OVOL1: variants seen among roughly 807,000 people sequenced by gnomAD.
OVOL1 encodes the protein ovo like transcriptional repressor 1, also known as putative transcription factor Ovo-like 1.
Under a neutral mutation model 21.5 loss-of-function variants are expected in OVOL1, and 10 were observed. The observed-to-expected ratio is 0.46, with a 90% CI of 0.29 to 0.79. The LOEUF (loss-of-function observed/expected upper bound fraction) is 0.79, where lower values mean the gene tolerates loss of function less well. Among genes scored for constraint, OVOL1 ranks in the 30% least tolerant of loss-of-function variants. The probability of loss-of-function intolerance (pLI) is 0.10; values close to 1 mark genes in which losing one functional copy is unlikely to be tolerated. For missense variants in OVOL1, 279 were observed against 362.3 expected (o/e 0.77, Z 1.87); for synonymous variants, 129 against 150.3 (o/e 0.86, Z 1.03).
chr11:65,795,348 C>A lies in OVOL1; in HGVS notation c.*7C>A. On this transcript the variant is annotated 3_prime_UTR_variant, in exon 4 of 4. Coordinates refer to ENST00000335987, the MANE Select transcript of OVOL1 (RefSeq NM_004561.4). The surrounding 1 kb of genome is among the most constrained non-coding windows in gnomAD (Gnocchi z 5.7). ...GGGCAGCCCCCACCTGTGAGTGGCT[C>A]GAGCCCTGGGGGTGCTCCTGGAAGC... 1 of 1,577,392 alleles carries A rather than the reference C, an allele frequency of 6.3e-7. No homozygotes were observed. Among genetic ancestry groups the A allele is most frequent in the Non-Finnish European group, 8.6e-7 (1 of 1,164,846 alleles).
rs933307444 is a variant in OVOL1 at position 65,788,767 on chromosome 11, G to T, written c.100+1294G>T. 38 of 985,448 alleles carry T rather than the reference G, an allele frequency of 3.9e-5. No homozygotes were observed. In the Middle Eastern group the frequency reaches 2.6e-3, roughly 68 times the overall value. The allele number at this position is 985,448 out of a possible 1,614,324, so 61.0% of individuals were successfully genotyped here. A position where few individuals can be genotyped will look rare whatever the true frequency, so the allele number is the denominator to read the frequency against. Reference sequence around the variant, plus strand: ...ACCGTTCCTTAAAACAAGGGAATGTGCCAGAAGACCCTGGTAACCCCAGTG... The same window carrying T: ...ACCGTTCCTTAAAACAAGGGAATGTTCCAGAAGACCCTGGTAACCCCAGTG... On this transcript the variant is annotated intron_variant, in intron 1 of 3. Coordinates refer to ENST00000335987, the MANE Select transcript of OVOL1 (RefSeq NM_004561.4).
rs890462316 is a variant in OVOL1, at chr11:65,795,773, G to A, written c.*432G>A. 4.8e-6 allele frequency: 1 copy of A among 206,448 alleles called. No homozygotes were observed. 12.8% of individuals were successfully genotyped at this position (206,448 alleles called of 1,614,324 possible). A position where few individuals can be genotyped will look rare whatever the true frequency, so the allele number is the denominator to read the frequency against. On this transcript the variant is annotated 3_prime_UTR_variant, in exon 4 of 4. Coordinates refer to ENST00000335987, the MANE Select transcript of OVOL1 (RefSeq NM_004561.4). This position sits in a 1 kb window ranked among gnomAD's most constrained non-coding sequence, Gnocchi z 5.7. The stretch of plus-strand genomic sequence containing the variant: ...AGTGGACATCAGAGTCAAAAGCACT[G>A]GCAAAGGGTACCCCTGCAAACAACT...
intron 1 of OVOL1, among the ~76,000 whole-genome samples, chr11:65,787,851 C>T (rs2135697542): frequency 1.3e-5 from 2 of 151,952 alleles, no homozygotes; most frequent in South Asian, 4.1e-4. Flanking sequence ...TCGCATGAGG[C>T]GGGAGAAGGC....
In OVOL1 at chr11:65,787,165, C is replaced by G. The variant is rs1182487554; in HGVS notation, c.-209C>G. On this transcript the variant is annotated 5_prime_UTR_variant, in exon 1 of 4. Transcript: ENST00000335987. Reference sequence around the variant, plus strand: ...CCCGGTGCACCTGGCCGCAAGGGACCTCGTTCTCAGGGAAGACGGCGACAT... The same window carrying G: ...CCCGGTGCACCTGGCCGCAAGGGACGTCGTTCTCAGGGAAGACGGCGACAT... 2.2e-6 allele frequency: 1 copy of G among 459,184 alleles called. No individual in the cohort carries two copies. The highest frequency in any genetic ancestry group is 4.0e-6 in the Non-Finnish European group (1 of 247,034). 28.4% of individuals were successfully genotyped at this position (459,184 alleles called of 1,614,324 possible). A position where few individuals can be genotyped will look rare whatever the true frequency, so the allele number is the denominator to read the frequency against.
chr11:65,789,988 C>T (rs142092286), intron 1 of OVOL1: 1 of 152,116 alleles, frequency 6.6e-6, no homozygotes, highest in Admixed American at 6.6e-5. Flanking sequence ...TTGCAAGCAC[C>T]CTGGAGATTT....
At chr11:65,789,609 GT>G (rs1857969470) in intron 1 of OVOL1, 1 of 957,274 alleles carries the variant, frequency 1.0e-6, no homozygotes, top group Non-Finnish European at 1.2e-6. Flanking sequence ...GTGCTGGCCT[GT>G]CCCCTGGCTG....
intron 1 of OVOL1, chr11:65,790,777 C>G (rs755505921): frequency 2.6e-5 from 4 of 152,382 alleles, no homozygotes; most frequent in Non-Finnish European, 4.4e-5. Flanking sequence ...CCCTGGGATC[C>G]TGTCACCCAG....
chr11:65,793,475 G>A lies in OVOL1; in HGVS notation c.101-556G>A, dbSNP rs1175893157. Among the ~76,000 whole-genome samples the A allele has an allele frequency of 1.1e-4, 16 of 152,356 alleles. No individual in the cohort carries two copies. The East Asian group carries it at 3.1e-3, about 29-fold the overall frequency. On this transcript the variant is annotated intron_variant, in intron 1 of 3. Coordinates refer to ENST00000335987, the MANE Select transcript of OVOL1 (RefSeq NM_004561.4). Reference sequence around the variant, plus strand: ...TTCCCTGCAGAGCTGGGACCAGCTGGGAGTGGAGAGCCTGGAGCCCTGGGG... The same window carrying A: ...TTCCCTGCAGAGCTGGGACCAGCTGAGAGTGGAGAGCCTGGAGCCCTGGGG...
rs1353484377 is a variant in OVOL1 at position 65,795,113 on chromosome 11, C to T, written c.576C>T (p.His192=). The part of the protein sequence containing the change: ...AFTQRCSLES[H]LKKIHGVQQK... ...CGCAGCGCTGCTCTCTGGAGTCTCA[C>T]CTCAAGAAGATCCATGGTGTGCAGC... Residue 192 remains histidine (H), a synonymous_variant, in exon 4 of 4, where the codon CAC becomes CAT. Transcript: ENST00000335987. The surrounding 1 kb of genome is among the most constrained non-coding windows in gnomAD (Gnocchi z 5.7). The T allele has an allele frequency of 6.2e-7, 1 of 1,613,786 alleles. No individual in the cohort carries two copies. The highest frequency in any genetic ancestry group is 8.5e-7 in the Non-Finnish European group (1 of 1,180,004).
In OVOL1 at chr11:65,795,735, G is replaced by A. The variant is rs933948164; in HGVS notation, c.*394G>A. On this transcript the variant is annotated 3_prime_UTR_variant, in exon 4 of 4. Transcript: ENST00000335987. This position sits in a 1 kb window ranked among gnomAD's most constrained non-coding sequence, Gnocchi z 5.7. Reference sequence around the variant, plus strand: ...CCCCGCCTCTCAGCACAGGGCAGGGGCTGCAGGTCCCCAGTGGACATCAGA... The same window carrying A: ...CCCCGCCTCTCAGCACAGGGCAGGGACTGCAGGTCCCCAGTGGACATCAGA... The A allele has an allele frequency of 2.3e-5, 6 of 259,660 alleles. No individual in the cohort carries two copies. The highest frequency in any genetic ancestry group is 8.6e-5 in the African/African-American group (4 of 46,270). 16.1% of individuals were successfully genotyped at this position (259,660 alleles called of 1,614,324 possible). A position where few individuals can be genotyped will look rare whatever the true frequency, so the allele number is the denominator to read the frequency against.
At chr11:65,794,810 C>G in intron 3 of OVOL1, 83 bp downstream of exon 3, 1 of 1,405,608 alleles carries the variant, frequency 7.1e-7, no homozygotes, top group Non-Finnish European at 1.0e-6. Context: ...ACCCCCTGCT[C>G]TCCCTCGGTG....
intron 1 of OVOL1, among the ~76,000 whole-genome samples, chr11:65,787,707 G>T (rs1189843801): frequency 7.2e-5 from 11 of 151,862 alleles, no homozygotes; most frequent in Non-Finnish European, 1.6e-4. Context: ...GGTGGAAGGG[G>T]AGCCGCTCCC....
At chr11:65,788,061 G>A (rs1857939135) in intron 1 of OVOL1, among the ~76,000 whole-genome samples, 1 of 152,200 alleles carries the variant, frequency 6.6e-6, no homozygotes, top group South Asian at 2.1e-4. Flanking sequence ...CTAGTCCCGC[G>A]CAGTGAGCCG....
intron 1 of OVOL1, 158 bp from the exon 2 acceptor site, chr11:65,793,873 C>T (rs1858072072): frequency 3.2e-6 from 2 of 617,886 alleles, no homozygotes; most frequent in Non-Finnish European, 5.7e-6. Context: ...GAAGGCGGTG[C>T]AGCAGTGGTG....
At position 65,795,323 on chromosome 11, in the gene OVOL1, G is replaced by T; in HGVS notation, c.786G>T (p.Gln262His). ...AGAACACTGTCACTTCCCTGCTGCA[G>T]GGCAGCCCCCACCTGTGAGTGGCTC... ...ALQNTVTSLL[Q>H]GSPHL The change falls in exon 4 of 4, where the codon CAG (glutamine) becomes CAT (histidine). Residue 262 changes from glutamine (Q) to histidine (H), a missense_variant. Physicochemically the swap from Gln to His is conservative, Grantham distance 24. Coordinates refer to ENST00000335987, the MANE Select transcript of OVOL1 (RefSeq NM_004561.4). The surrounding 1 kb of genome is among the most constrained non-coding windows in gnomAD (Gnocchi z 5.7). 6.2e-7 allele frequency: 1 copy of T among 1,604,700 alleles called. No homozygotes were observed. The highest frequency in any genetic ancestry group is 8.5e-7 in the Non-Finnish European group (1 of 1,176,750).
At chr11:65,792,668 G>A (rs1858044300) in intron 1 of OVOL1, among the ~76,000 whole-genome samples, 1 of 152,374 alleles carries the variant, frequency 6.6e-6, no homozygotes, top group East Asian at 1.9e-4. Flanking sequence ...GCTCATTAAA[G>A]GCCCCCGGAC....
At chr11:65,789,559 C>A in intron 1 of OVOL1, 1 of 524,608 alleles carries the variant, frequency 1.9e-6, no homozygotes, top group Non-Finnish European at 2.4e-6. Flanking sequence ...TCAGTCCACG[C>A]TCGGGTGCCT....
intron 1 of OVOL1, 40 bp from the exon 2 acceptor site, chr11:65,793,991 C>T (rs775778580): frequency 6.4e-7 from 1 of 1,551,850 alleles, no homozygotes; most frequent in Admixed American, 1.7e-5. Context: ...TGGACCCTCT[C>T]TTCTCCACCA....
At position 65,787,258 on chromosome 11, in the gene OVOL1, G is replaced by A; in HGVS notation, c.-116G>A. ...TTCCCCGGAACGTGGGGGCGCCTTA[G>A]CGACTCCTTCCCTGTTGTGCCCCCG... On this transcript the variant is annotated 5_prime_UTR_variant, in exon 1 of 4. Transcript: ENST00000335987. The A allele has an allele frequency of 2.5e-6, 2 of 807,316 alleles. No homozygotes were observed. The highest frequency in any genetic ancestry group is 2.0e-6 in the Non-Finnish European group (1 of 504,422). The allele number at this position is 807,316 out of a possible 1,614,324, so 50.0% of individuals were successfully genotyped here.
Sources: allele counts gnomAD v4.1 joint callset (sites outside exome capture counted in the v4.1 genomes callset), GRCh38; gene constraint gnomAD v4.1.1; non-coding constraint Gnocchi (gnomAD v3.1); transcripts MANE v1.5; gene names NCBI Gene and HGNC (gene_info 2026-07-23, HGNC 2026-07-21).